The following PHF24 variants were observed in gnomAD, a reference collection of about 807,000 sequenced individuals.
PHF24 encodes the protein Galpha inhibitory interacting protein.
In PHF24, 25 loss-of-function variants were observed where a neutral mutation model predicts 42.6. That is an observed-to-expected ratio of 0.59 (90% CI 0.43 to 0.82). The LOEUF (loss-of-function observed/expected upper bound fraction) is 0.82. Ranked by LOEUF, PHF24 falls within the 40% of genes least tolerant of loss-of-function variation. The pLI is 0.00. For synonymous variants in PHF24, 185 were observed against 204.8 expected, an observed-to-expected ratio of 0.90 and a Z score of 0.83; for missense variants, 470 against 538.1, an observed-to-expected ratio of 0.87 and a Z score of 1.25.
chr9:34,826,636 C>T, the PHF24 span, among the ~76,000 whole-genome samples: 1 of 152,238 alleles, frequency 6.6e-6, no homozygotes, highest in Non-Finnish European at 1.5e-5. Flanking sequence ...AAGCCACCCT[C>T]CTCCCACTGC....
the PHF24 span, among the ~76,000 whole-genome samples, chr9:34,731,006 A>AT: frequency 5.9e-5 from 9 of 152,136 alleles, no homozygotes; most frequent in Admixed American, 2.0e-4. Context: ...CCCTAAGACT[A>AT]TTTTTTTTAA....
At position 34,972,554 on chromosome 9, in the gene PHF24, G is replaced by A. The variant is rs376414059; in HGVS notation, c.564+23G>A. The stretch of plus-strand genomic sequence containing the variant: ...TGTGTAAGTCTGGACTGCAGGGACA[G>A]CAGAGGACTTGGCACTTTTCCTGGA... On this transcript the variant is annotated intron_variant, in intron 3 of 7. Coordinates refer to ENST00000242315, the Ensembl canonical transcript of PHF24. The A allele has an allele frequency of 7.2e-5, 113 of 1,567,750 alleles. No homozygotes were observed. In the African/African-American group the frequency reaches 1.4e-3, roughly 19 times the overall value.
chr9:34,870,497 C>G, the PHF24 span, among the ~76,000 whole-genome samples: 2 of 151,900 alleles, frequency 1.3e-5, no homozygotes, highest in Non-Finnish European at 2.9e-5. Flanking sequence ...TCCAGAATGT[C>G]ATATAATTGG....
At chr9:34,876,101 C>T in the PHF24 span, among the ~76,000 whole-genome samples, 1 of 152,056 alleles carries the variant, frequency 6.6e-6, no homozygotes, top group Non-Finnish European at 1.5e-5. Flanking sequence ...ATCTCTGTGA[C>T]TCTCGGATCC....
intron 1 of PHF24, among the ~76,000 whole-genome samples, chr9:34,963,039 G>A (rs1826646280): frequency 1.3e-5 from 2 of 152,148 alleles, no homozygotes. Context: ...AAGAGAGGTG[G>A]GGAGGTACCA....
chr9:34,957,970 G>A (rs1826424829), upstream of PHF24, among the ~76,000 whole-genome samples: 1 of 151,304 alleles, frequency 6.6e-6, no homozygotes, highest in South Asian at 2.1e-4. Flanking sequence ...GCAGTGCCGG[G>A]CGCTCGTGGG....
chr9:34,723,108 T>C, the PHF24 span: 1 of 1,205,768 alleles, frequency 8.3e-7, no homozygotes, highest in South Asian at 1.6e-5. Context: ...TGCACATTTA[T>C]GGAAATGACA....
the PHF24 span, among the ~76,000 whole-genome samples, chr9:34,810,736 C>G: frequency 1.3e-5 from 2 of 152,092 alleles, no homozygotes; most frequent in African/African-American, 4.8e-5. Flanking sequence ...CCACCGTGGC[C>G]CAGAGGTGGA....
At chr9:34,716,459 G>C in the PHF24 span, among the ~76,000 whole-genome samples, 2 of 152,196 alleles carry the variant, frequency 1.3e-5, no homozygotes, top group African/African-American at 4.8e-5. Flanking sequence ...TAAGAGTGAG[G>C]AGATCTTAAC....
the PHF24 span, chr9:34,837,438 G>A: frequency 3.9e-6 from 2 of 507,780 alleles, no homozygotes; most frequent in South Asian, 4.4e-5. Context: ...AAGGACATCT[G>A]CACTATTTCC....
the PHF24 span, among the ~76,000 whole-genome samples, chr9:34,877,719 G>GAA: frequency 2.6e-5 from 4 of 152,096 alleles, no homozygotes; most frequent in African/African-American, 9.7e-5. Flanking sequence ...TGAATAGGTA[G>GAA]AACACAGGGG....
chr9:34,754,620 T>A, the PHF24 span, among the ~76,000 whole-genome samples: 2 of 152,148 alleles, frequency 1.3e-5, no homozygotes, highest in Admixed American at 6.5e-5. Flanking sequence ...TGTAAATTAG[T>A]AAACCACTAT....
the PHF24 span, chr9:34,724,406 G>C: frequency 6.5e-7 from 1 of 1,550,320 alleles, no homozygotes; most frequent in Admixed American, 2.0e-5. Flanking sequence ...TGGTGGGATG[G>C]GCAGTTCCTG....
chr9:34,917,040 G>A, the PHF24 span: 2 of 589,816 alleles, frequency 3.4e-6, no homozygotes, highest in East Asian at 6.0e-5. Flanking sequence ...CACAAATCAT[G>A]AGGGAGAGTC....
the PHF24 span, among the ~76,000 whole-genome samples, chr9:34,925,252 G>A: frequency 1.5e-4 from 23 of 152,104 alleles, no homozygotes; most frequent in African/African-American, 5.3e-4. Flanking sequence ...CCTTATATGT[G>A]ACTTGACATT....
the PHF24 span, among the ~76,000 whole-genome samples, chr9:34,679,071 A>C: frequency 6.6e-6 from 1 of 152,242 alleles, no homozygotes; most frequent in Admixed American, 6.5e-5. Flanking sequence ...AGAAAGTCCA[A>C]CCAATCTGGA....
At chr9:34,715,483 TG>T in the PHF24 span, among the ~76,000 whole-genome samples, 1 of 152,132 alleles carries the variant, frequency 6.6e-6, no homozygotes, top group Admixed American at 6.5e-5. Flanking sequence ...CAGACCAGGC[TG>T]GATGCAGAGC....
At chr9:34,731,006 AT>A in the PHF24 span, among the ~76,000 whole-genome samples, 40 of 152,136 alleles carry the variant, frequency 2.6e-4, no homozygotes, top group African/African-American at 9.1e-4. Context: ...CCCTAAGACT[AT>A]TTTTTTTAAA....
the PHF24 span, among the ~76,000 whole-genome samples, chr9:34,856,397 C>A: frequency 6.6e-6 from 1 of 152,214 alleles, no homozygotes; most frequent in Non-Finnish European, 1.5e-5. Context: ...TCTTTCTCAT[C>A]TTTGTGGGCT....
Sources: allele counts gnomAD v4.1 joint callset (sites outside exome capture counted in the v4.1 genomes callset), GRCh38; gene constraint gnomAD v4.1.1; transcripts MANE v1.5; gene names NCBI Gene and HGNC (gene_info 2026-07-23, HGNC 2026-07-21).